DCD: variants seen among roughly 807,000 people sequenced by gnomAD.
DCD encodes dermcidin, also known as diffusible survival/evasion peptide.
DCD carries 17 observed loss-of-function variants against 14.5 expected under a neutral mutation model. The observed-to-expected ratio is 1.18, with a 90% CI of 0.81 to 1.76. DCD has a LOEUF of 1.76. Ranked by LOEUF, DCD falls within the 40% of genes most tolerant of loss-of-function variation. DCD has a pLI of 0.00. For missense variants in DCD, 139 were observed against 133.4 expected (o/e 1.04, Z -0.21); for synonymous variants, 64 against 54.0 (o/e 1.19, Z -0.82).
intron 4 of DCD, 130 bp from the exon 5 acceptor site, chr12:54,644,886 A>G (rs1958243977): frequency 7.7e-6 from 12 of 1,550,968 alleles, no homozygotes; most frequent in Non-Finnish European, 1.0e-5. Context: ...GTGCTTACAC[A>G]GAAGTCAGAG....
chr12:54,645,698 T>C lies in DCD; in HGVS notation c.107A>G (p.Glu36Gly). ...ATTTTCCTTTTGAGCTGCTGATGCT[T>C]CATGGCAAGCTGCAAGGGTAAGGGA... ...SAPGSGNPCH[E>G]ASAAQKENAG... Residue 36 changes from glutamate (E) to glycine (G), a missense_variant, in exon 3 of 5, where the codon GAA becomes GGA. Coordinates refer to ENST00000293371, the MANE Select transcript of DCD (RefSeq NM_053283.4). The C allele has an allele frequency of 6.2e-7, 1 of 1,614,026 alleles. No homozygotes were observed.
At position 54,647,105 on chromosome 12, in the gene DCD, A is replaced by G. The variant is rs191480365; in HGVS notation, c.97+16T>C. The G allele has an allele frequency of 0.015, 22,956 of 1,555,054 alleles. 214 individuals carry two copies. Among genetic ancestry groups the G allele is most frequent in the Non-Finnish European group, 0.017 (19,037 of 1,148,538 alleles). On this transcript the variant is annotated intron_variant, in intron 2 of 4. Coordinates refer to ENST00000293371, the MANE Select transcript of DCD (RefSeq NM_053283.4). ...TCCCACCCAGGACTGGGGCAGGAGG[A>G]AGAGAAAGGACTCACGGTTCCCCGA...
In DCD at chr12:54,648,253, G is replaced by A. The variant is rs1392758384; in HGVS notation, c.51C>T (p.Val17=). The change falls in exon 1 of 5, where the codon GTC becomes GTT. Residue 17 remains valine (V), a synonymous_variant. Transcript: ENST00000293371. ...GGGAAGAGCCATACTCACAGGCACA[G>A]ACCAGGGCTCCTGCCAGAGCTGTCA... The part of the protein sequence containing the change: ...LFLTALAGAL[V]CAYDPEAASA... 1 of 1,613,898 alleles carries A rather than the reference G, an allele frequency of 6.2e-7. No homozygotes were observed. The highest frequency in any genetic ancestry group is 2.2e-5 in the East Asian group (1 of 44,864).
rs1565729234 is a variant in DCD at position 54,646,970 on chromosome 12, G to A, written c.97+151C>T. The A allele has an allele frequency of 8.5e-6, 6 of 703,350 alleles. No individual in the cohort carries two copies. The East Asian group carries it at 1.4e-4, about 16-fold the overall frequency. The allele number at this position is 703,350 out of a possible 1,614,324, so 43.6% of individuals were successfully genotyped here. ...CCTTCTCCAGTGCATGAGTCTCTCA[G>A]GAAGTCTCCCTTCTCCATGTCTCCT... is the stretch of plus-strand genomic sequence containing the variant. On this transcript the variant is annotated intron_variant, in intron 2 of 4. Transcript: ENST00000293371.
intron 1 of DCD, among the ~76,000 whole-genome samples, chr12:54,647,597 C>T (rs948778315): frequency 2.0e-5 from 3 of 152,298 alleles, no homozygotes; most frequent in Middle Eastern, 3.4e-3. Flanking sequence ...ATGAAGCACG[C>T]ATTATGCACC....
intron 2 of DCD, 105 bp downstream of exon 2, chr12:54,647,016 T>A: frequency 8.1e-7 from 1 of 1,237,912 alleles, no homozygotes; most frequent in Non-Finnish European, 1.1e-6. Flanking sequence ...CTCCCAACTC[T>A]CCTTCCCCGG....
intron 3 of DCD, 110 bp from the exon 4 acceptor site, chr12:54,645,372 T>C (rs1958250843): frequency 8.7e-7 from 1 of 1,144,900 alleles, no homozygotes; most frequent in Non-Finnish European, 1.3e-6. Context: ...GTGAAGTGGT[T>C]TTGCTGAAGG....
chr12:54,648,119 G>A (rs1397600832), intron 1 of DCD, 127 bp downstream of exon 1: 2 of 1,006,708 alleles, frequency 2.0e-6, no homozygotes, highest in South Asian at 1.5e-5. Context: ...CCTAGTGGGA[G>A]GCAGGAGTGG....
chr12:54,647,185 GT>G (rs781657520), intron 1 of DCD, 26 bp from the exon 2 acceptor site: 1 of 1,556,910 alleles, frequency 6.4e-7, no homozygotes. Flanking sequence ...CAGTGACCAT[GT>G]CAAGTAGGGC....
chr12:54,645,075 G>A (rs1295909165), intron 4 of DCD, 98 bp downstream of exon 4: 1 of 1,492,928 alleles, frequency 6.7e-7, no homozygotes, highest in Non-Finnish European at 9.3e-7. Context: ...AGCACAAAGT[G>A]AGGGGTCTTC....
rs868112354 is a variant in DCD at position 54,644,733 on chromosome 12, C to T, written c.313G>A (p.Val105Ile). 37 of 1,605,022 alleles carry T rather than the reference C, an allele frequency of 2.3e-5. No homozygotes were observed. Among genetic ancestry groups the T allele is most frequent in the African/African-American group, 8.2e-5 (6 of 73,048 alleles). Residue 105 changes from valine (V) to isoleucine (I), a missense_variant, in exon 5 of 5, where the codon GTC becomes ATC. Transcript: ENST00000293371. ...TACAGCTATAGTACTGAGTCAAGGA[C>T]GTCTTTAACGTCATGGACGGCTCCT... Reference protein sequence around the residue: ...GKGAVHDVKDVLDSVL With the variant: ...GKGAVHDVKDILDSVL
At chr12:54,648,147 G>T in intron 1 of DCD, 99 bp downstream of exon 1, 1 of 1,346,580 alleles carries the variant, frequency 7.4e-7, no homozygotes, top group Non-Finnish European at 1.0e-6. Context: ...AGACAGACTT[G>T]GGTGAACTGC....
chr12:54,648,141 A>G, intron 1 of DCD, 105 bp downstream of exon 1: 6 of 1,311,200 alleles, frequency 4.6e-6, no homozygotes, highest in Non-Finnish European at 6.5e-6. Flanking sequence ...CTACAGAGAC[A>G]GACTTGGGTG....
chr12:54,645,134 G>A, intron 4 of DCD, 39 bp downstream of exon 4: 1 of 1,602,300 alleles, frequency 6.2e-7, no homozygotes, highest in Non-Finnish European at 8.6e-7. Flanking sequence ...GGTGGAGACT[G>A]AGGCTGGTCC....
rs11338265 is a variant in DCD, at chr12:54,644,624, A to ATTTTTTTTTTTT, written c.*77_*88dup. On this transcript the variant is annotated 3_prime_UTR_variant, in exon 5 of 5. Coordinates refer to ENST00000293371, the MANE Select transcript of DCD (RefSeq NM_053283.4). ...GCTTTCAGTTTAATAGCTGTTTTAAATTTTTTTTTTTTTTTTTTTTTTTAG... is the reference window on the plus strand; with the variant it reads ...GCTTTCAGTTTAATAGCTGTTTTAAATTTTTTTTTTTTTTTTTTTTTTTTTTTTTTTTTTTAG... 2 of 651,678 alleles carry ATTTTTTTTTTTT rather than the reference A, an allele frequency of 3.1e-6. No individual in the cohort carries two copies. Among genetic ancestry groups the ATTTTTTTTTTTT allele is most frequent in the Non-Finnish European group, 2.5e-6 (1 of 395,022 alleles). The allele number at this position is 651,678 out of a possible 1,614,324, so 40.4% of individuals were successfully genotyped here.
rs147479363 is a variant in DCD at position 54,648,255 on chromosome 12, C to T, written c.49G>A (p.Val17Ile). The change falls in exon 1 of 5, where the codon GTC (valine) becomes ATC (isoleucine). Residue 17 changes from valine to isoleucine, a missense_variant. Val to Ile is a conservative substitution (Grantham distance 29). Transcript: ENST00000293371. ...LFLTALAGAL[V>I]CAYDPEAASA... Reference sequence around the variant, plus strand: ...GAAGAGCCATACTCACAGGCACAGACCAGGGCTCCTGCCAGAGCTGTCAGG... The same window carrying T: ...GAAGAGCCATACTCACAGGCACAGATCAGGGCTCCTGCCAGAGCTGTCAGG... 1.1e-4 allele frequency: 182 copies of T among 1,613,904 alleles called. No individual in the cohort carries two copies. The East Asian group carries it at 3.9e-3, about 35-fold the overall frequency.
intron 2 of DCD, chr12:54,646,075 A>G (rs1400074774): frequency 8.7e-6 from 4 of 458,546 alleles, no homozygotes; most frequent in African/African-American, 8.0e-5. Flanking sequence ...TCTTCTAGGC[A>G]GGTTGGTGGA....
intron 2 of DCD, 89 bp downstream of exon 2, chr12:54,647,032 C>G (rs989856132): frequency 1.0e-5 from 14 of 1,388,312 alleles, no homozygotes; most frequent in East Asian, 7.5e-5. Flanking sequence ...CCCGGACCCC[C>G]CTTCTGCTTC....
At chr12:54,645,478 A>G in intron 3 of DCD, 128 bp downstream of exon 3, 2 of 940,738 alleles carry the variant, frequency 2.1e-6, no homozygotes, top group South Asian at 1.6e-5. Flanking sequence ...TGTGCACCCC[A>G]AGCCCTCCCT....
Sources: gnomAD v4.1 joint callset for allele counts (sites outside exome capture counted in the v4.1 genomes callset) on GRCh38, gnomAD v4.1.1 for gene constraint, MANE v1.5 for transcripts, NCBI Gene and HGNC (gene_info 2026-07-23, HGNC 2026-07-21) for gene names.